ALDH1L1: variants seen among roughly 807,000 people sequenced by gnomAD.
The protein encoded by ALDH1L1 is aldehyde dehydrogenase 1 family member L1.
A neutral mutation model predicts 101.1 loss-of-function variants in ALDH1L1; 68 were observed. The observed-to-expected ratio is 0.67, with a 90% confidence interval of 0.55 to 0.82. The LOEUF is 0.82. Ranked by LOEUF, ALDH1L1 falls within the 40% of genes least tolerant of loss-of-function variation. The pLI, the probability that ALDH1L1 is intolerant of heterozygous loss-of-function variation, is 0.00. For missense variants in ALDH1L1, 1,087 were observed against 1,172.7 expected, an observed-to-expected ratio of 0.93 and a Z score of 1.07; for synonymous variants, 486 against 470.8, an observed-to-expected ratio of 1.03 and a Z score of -0.42.
At position 126,105,721 on chromosome 3, in the gene ALDH1L1, G is replaced by T. The variant is rs1945844090; in HGVS notation, c.2653+5C>A. 1.2e-6 allele frequency: 2 copies of T among 1,614,222 alleles called. No individual in the cohort carries two copies. Among genetic ancestry groups the T allele is most frequent in the East Asian group, 2.2e-5 (1 of 44,882 alleles). The stretch of plus-strand genomic sequence containing the variant: ...AAAGCAACCCCACAGGCAGGAGTAG[G>T]TTACCTAGATCTTTGCCAAATCCAG... On this transcript the variant is annotated splice_donor_5th_base_variant and intron_variant, in intron 22 of 22. Transcript: ENST00000393434.
intron 22 of ALDH1L1, 150 bp downstream of exon 22, chr3:126,105,576 A>G (rs755236896): frequency 2.3e-6 from 2 of 882,828 alleles, no homozygotes; most frequent in East Asian, 2.5e-5. Context: ...ACTTGTCACA[A>G]GTTCCCTCCC....
chr3:126,177,733 T>C (rs1322155890), intron 1 of ALDH1L1, among the ~76,000 whole-genome samples: 1 of 152,202 alleles, frequency 6.6e-6, no homozygotes, highest in Non-Finnish European at 1.5e-5. Flanking sequence ...TGCATCGATA[T>C]TGGCTCACCA....
chr3:126,107,340 T>A, intron 20 of ALDH1L1, 94 bp from the exon 21 acceptor site: 1 of 1,002,036 alleles, frequency 1.0e-6, no homozygotes, highest in South Asian at 1.3e-5. Context: ...ACCAGCCACC[T>A]GCGGATGACC....
In ALDH1L1 at chr3:126,150,490, G is replaced by A. The variant is rs1035986126; in HGVS notation, c.900C>T (p.Ile300=). The change falls in exon 8 of 23, where the codon ATC becomes ATT. Residue 300 remains isoleucine, a synonymous_variant. Transcript: ENST00000393434. ...CCCCCTTAAAGAAGTTCGAGGCCAGGATCATTTTGCCATCCTCCAGCTGAA... is the reference window on the plus strand; with the variant it reads ...CCCCCTTAAAGAAGTTCGAGGCCAGAATCATTTTGCCATCCTCCAGCTGAA... ...KNIQLEDGKM[I]LASNFFKGAA... The A allele has an allele frequency of 6.4e-6, 10 of 1,551,486 alleles. No individual in the cohort carries two copies. The highest frequency in any genetic ancestry group is 1.4e-5 in the African/African-American group (1 of 73,054).
At chr3:126,192,823 T>C (rs2081560288) in intron 1 of ALDH1L1, among the ~76,000 whole-genome samples, 1 of 152,112 alleles carries the variant, frequency 6.6e-6, no homozygotes, top group South Asian at 2.1e-4. Context: ...TTTAATTGAG[T>C]GATGAATGAT....
chr3:126,122,945 A>G (rs1315854171), intron 16 of ALDH1L1, among the ~76,000 whole-genome samples: 3 of 152,218 alleles, frequency 2.0e-5, no homozygotes, highest in Admixed American at 6.5e-5. Flanking sequence ...GAAAAGTAAA[A>G]TGGTAAACCC....
intron 1 of ALDH1L1, among the ~76,000 whole-genome samples, chr3:126,170,465 C>T (rs539783297): frequency 4.0e-5 from 6 of 149,178 alleles, no homozygotes; most frequent in African/African-American, 7.4e-5. Flanking sequence ...CTCAACCAGT[C>T]GGGCCTAATA....
rs1178247026 is a variant in ALDH1L1 at position 126,160,886 on chromosome 3, C to A, written c.94G>T (p.Val32Phe). ...EGHEVVGVFT[V>F]PDKDGKADPL... ...TCGGCCTTTCCATCCTTGTCTGGAA[C>A]AGTGAACACACCCACCACTTCGTGG... Residue 32 changes from valine (V) to phenylalanine (F), a missense_variant, in exon 2 of 23, where the codon GTT becomes TTT. Val to Phe is a conservative substitution (Grantham distance 50). Around this residue, in one of 2 missense-constraint regions of ALDH1L1, gnomAD observed 645 missense variants for 637.0 expected, o/e 1.01. Transcript: ENST00000393434. The A allele has an allele frequency of 1.9e-6, 3 of 1,614,258 alleles. No individual in the cohort carries two copies.
At chr3:126,148,041 A>T (rs1209907614) in intron 8 of ALDH1L1, among the ~76,000 whole-genome samples, 1 of 152,160 alleles carries the variant, frequency 6.6e-6, no homozygotes, top group Non-Finnish European at 1.5e-5. Flanking sequence ...CTCTACTGGC[A>T]GGATCTACCT....
intron 12 of ALDH1L1, among the ~76,000 whole-genome samples, chr3:126,132,190 G>A (rs1044534270): frequency 6.6e-6 from 1 of 152,246 alleles, no homozygotes; most frequent in Non-Finnish European, 1.5e-5. Context: ...CCCCTAGGGG[G>A]AGGGTGGACA....
chr3:126,172,857 G>A (rs1253348955), intron 1 of ALDH1L1, among the ~76,000 whole-genome samples: 2 of 151,910 alleles, frequency 1.3e-5, no homozygotes, highest in Non-Finnish European at 2.9e-5. Flanking sequence ...GGAGAGGCAG[G>A]GCAGGACACC....
At chr3:126,120,427 G>A (rs2080056678) in intron 16 of ALDH1L1, among the ~76,000 whole-genome samples, 1 of 152,170 alleles carries the variant, frequency 6.6e-6, no homozygotes, top group Non-Finnish European at 1.5e-5. Context: ...GCATAACGAT[G>A]GAGACAAGAA....
chr3:126,111,427 C>T (rs1946074762), intron 19 of ALDH1L1, among the ~76,000 whole-genome samples: 1 of 152,240 alleles, frequency 6.6e-6, no homozygotes, highest in African/African-American at 2.4e-5. Context: ...CCCGCTGCCC[C>T]TGAGTCTCAC....
intron 1 of ALDH1L1, among the ~76,000 whole-genome samples, chr3:126,193,278 G>C (rs1373859655): frequency 2.0e-5 from 3 of 152,122 alleles, no homozygotes; most frequent in Non-Finnish European, 4.4e-5. Flanking sequence ...ATCTATAAGA[G>C]AAAAACAGAC....
At chr3:126,154,530 G>A (rs774841438) in intron 6 of ALDH1L1, 24 bp downstream of exon 6, 3 of 1,611,998 alleles carry the variant, frequency 1.9e-6, no homozygotes, top group Non-Finnish European at 2.5e-6. Context: ...CACGTGGCTG[G>A]ATTCCAGCCA....
rs752044328 is a variant in ALDH1L1, at chr3:126,160,907, C to T, written c.73G>A (p.Glu25Lys). ...GGAACAGTGAACACACCCACCACTTCGTGGCCCTCCTTCCTCAGGTGGCAG... is the reference window on the plus strand; with the variant it reads ...GGAACAGTGAACACACCCACCACTTTGTGGCCCTCCTTCCTCAGGTGGCAG... ...VYCHLRKEGH[E>K]VVGVFTVPDK... is the part of the protein sequence containing the mutation. Residue 25 changes from glutamate (E) to lysine (K), a missense_variant, in exon 2 of 23, where the codon GAA becomes AAA. Physicochemically the swap from Glu to Lys is moderately conservative, Grantham distance 56. Transcript: ENST00000393434. 70 of 1,614,280 alleles carry T rather than the reference C, an allele frequency of 4.3e-5. No individual in the cohort carries two copies. The highest frequency in any genetic ancestry group is 5.6e-5 in the Non-Finnish European group (66 of 1,180,048).
chr3:126,157,781 A>G (rs974078180), intron 3 of ALDH1L1, among the ~76,000 whole-genome samples: 1 of 152,190 alleles, frequency 6.6e-6, no homozygotes, highest in Non-Finnish European at 1.5e-5. Flanking sequence ...AGGGAAACTA[A>G]GGCCCAGAAA....
At chr3:126,174,533 A>G (rs139682739) in intron 1 of ALDH1L1, among the ~76,000 whole-genome samples, 283 of 152,338 alleles carry the variant, frequency 1.9e-3, no homozygotes, top group East Asian at 4.0e-3. Flanking sequence ...ACAAATATCA[A>G]TGACTTCTAT....
rs186354810 is a variant in ALDH1L1 at position 126,180,222 on chromosome 3, G to T, written c.-24+254C>A. 1,010 of 167,402 alleles carry T rather than the reference G, an allele frequency of 6.0e-3. 16 individuals are homozygous for T. The highest frequency in any genetic ancestry group is 0.023 in the African/African-American group (940 of 41,764). 10.4% of individuals were successfully genotyped at this position (167,402 alleles called of 1,614,324 possible). A position where few individuals can be genotyped will look rare whatever the true frequency, so the allele number is the denominator to read the frequency against. Reference sequence around the variant, plus strand: ...TACCACCGCGGCCGGCCAGATCCTCGGCGGGCCAGTCCTGGCGCTGCGGTC... The same window carrying T: ...TACCACCGCGGCCGGCCAGATCCTCTGCGGGCCAGTCCTGGCGCTGCGGTC... On this transcript the variant is annotated intron_variant, in intron 1 of 22. Coordinates refer to ENST00000393434, the MANE Select transcript of ALDH1L1 (RefSeq NM_012190.4).
Sources: gnomAD v4.1 joint callset for allele counts (sites outside exome capture counted in the v4.1 genomes callset) on GRCh38, gnomAD v4.1.1 for gene constraint, gnomAD v4.1.1 regional missense constraint, MANE v1.5 for transcripts, NCBI Gene and HGNC (gene_info 2026-07-23, HGNC 2026-07-21) for gene names.